NMBR: variants seen among roughly 807,000 people sequenced by gnomAD.
NMBR encodes neuromedin B receptor, also known as neuromedin-B receptor.
NMBR carries 16 observed loss-of-function variants against 20.5 expected under a neutral mutation model. The ratio of observed to expected loss-of-function variants is 0.78; its 90% CI spans 0.53 to 1.19. The LOEUF (loss-of-function observed/expected upper bound fraction) is 1.19. NMBR is among the 50% of genes most tolerant of loss of function. The pLI is 0.00. For synonymous variants in NMBR, 212 were observed against 196.6 expected, an observed-to-expected ratio of 1.08 and a Z score of -0.65; for missense variants, 582 against 499.1, an observed-to-expected ratio of 1.17 and a Z score of -1.58.
intron 1 of NMBR, among the ~76,000 whole-genome samples, chr6:142,094,667 GT>G (rs1302365173): frequency 2.6e-5 from 4 of 152,060 alleles, no homozygotes; most frequent in Non-Finnish European, 2.9e-5. Context: ...CTTTAAAGGA[GT>G]TTTTTTCCAA....
intron 1 of NMBR, among the ~76,000 whole-genome samples, chr6:142,119,772 A>C (rs1777913243): frequency 6.6e-6 from 1 of 151,956 alleles, no homozygotes; most frequent in African/African-American, 2.4e-5. Context: ...TAGACCTTGA[A>C]ACAAAGAGTT....
At chr6:142,128,912 G>C (rs2114604736) in intron 1 of NMBR, among the ~76,000 whole-genome samples, 2 of 151,460 alleles carry the variant, frequency 1.3e-5, no homozygotes, top group East Asian at 1.9e-4. Flanking sequence ...TTTTTCAGAA[G>C]AGCTTAAGAG....
intron 3 of NMBR, 105 bp downstream of exon 3, chr6:142,078,450 A>T (rs2114553324): frequency 1.5e-6 from 1 of 668,246 alleles, no homozygotes; most frequent in East Asian, 2.7e-5. Flanking sequence ...TGAAGGCCCA[A>T]CTCTGTTCTC....
At chr6:142,145,061 AAGG>A (rs1383886176) in intron 1 of NMBR, among the ~76,000 whole-genome samples, 4 of 151,256 alleles carry the variant, frequency 2.6e-5, no homozygotes, top group African/African-American at 7.3e-5. Context: ...AGAAGGAAGG[AAGG>A]AGAAAAGAAA....
intron 1 of NMBR, among the ~76,000 whole-genome samples, chr6:142,140,240 T>C (rs909762909): frequency 1.3e-5 from 2 of 152,078 alleles, no homozygotes; most frequent in Non-Finnish European, 2.9e-5. Context: ...CAGATCACTC[T>C]TGAAAATTAC....
intron 2 of NMBR, among the ~76,000 whole-genome samples, chr6:142,080,379 C>G (rs1582835409): frequency 6.9e-6 from 1 of 145,394 alleles, no homozygotes; most frequent in Admixed American, 7.1e-5. Context: ...TGCCTGATCA[C>G]AGCTCACTGC....
At chr6:142,100,926 T>C (rs919859799) in intron 1 of NMBR, among the ~76,000 whole-genome samples, 2 of 152,182 alleles carry the variant, frequency 1.3e-5, no homozygotes, top group African/African-American at 4.8e-5. Context: ...AAAAAGAGAA[T>C]TGTATTTTCC....
chr6:142,088,505 G>A lies in NMBR; in HGVS notation c.154C>T (p.Leu52Phe). 6.2e-7 allele frequency: 1 copy of A among 1,614,076 alleles called. No individual in the cohort carries two copies. Among genetic ancestry groups the A allele is most frequent in the African/African-American group, 1.3e-5 (1 of 75,026 alleles). Reference sequence around the variant, plus strand: ...CCCAGCAAGCCCACGGTGATGATGAGCAGGTAGAGGGACGGGATCACACAG... The same window carrying A: ...CCCAGCAAGCCCACGGTGATGATGAACAGGTAGAGGGACGGGATCACACAG... ...IRCVIPSLYL[L>F]IITVGLLGNI... Residue 52 changes from leucine (L) to phenylalanine (F), a missense_variant, in exon 2 of 4, where the codon CTC (leucine) becomes TTC (phenylalanine). Physicochemically the swap from Leu to Phe is conservative, Grantham distance 22. Coordinates refer to ENST00000258042, the MANE Select transcript of NMBR (RefSeq NM_002511.4).
At chr6:142,100,627 TG>T (rs1300747631) in intron 1 of NMBR, among the ~76,000 whole-genome samples, 1 of 152,196 alleles carries the variant, frequency 6.6e-6, no homozygotes, top group Admixed American at 6.5e-5. Context: ...ATTGTAGAAA[TG>T]TGTAATTATA....
rs561817143 is a variant in NMBR, at chr6:142,090,526, TTAAGA to T, written c.-663-1210_-663-1206del. On this transcript the variant is annotated intron_variant, in intron 1 of 3. Transcript: ENST00000258042. ...CTACTTAAAATAATTCATTATAAAA[TTAAGA>T]TTAGTTAAATAGAATATTTATGTAT... Among the ~76,000 whole-genome samples, 335 of 150,818 alleles carry T rather than the reference TTAAGA, an allele frequency of 2.2e-3. 3 individuals are homozygous for T. The highest frequency in any genetic ancestry group is 6.1e-3 in the African/African-American group (253 of 41,302).
chr6:142,091,907 A>G (rs1777332288), intron 1 of NMBR, among the ~76,000 whole-genome samples: 1 of 152,172 alleles, frequency 6.6e-6, no homozygotes, highest in Non-Finnish European at 1.5e-5. Context: ...TGACATGAGT[A>G]TTATTGTTGT....
intron 1 of NMBR, among the ~76,000 whole-genome samples, chr6:142,116,068 T>C (rs1007240456): frequency 6.6e-5 from 10 of 151,956 alleles, no homozygotes; most frequent in Non-Finnish European, 1.3e-4. Flanking sequence ...TCTCTTTTTT[T>C]ACCTGCCGCC....
In NMBR at chr6:142,109,271, G is replaced by A. The variant is rs1038290328; in HGVS notation, c.-663-19950C>T. On this transcript the variant is annotated intron_variant, in intron 1 of 3. Coordinates refer to ENST00000258042, the MANE Select transcript of NMBR (RefSeq NM_002511.4). ...TACCCCACCGGGGACTCTGTGTGGG[G>A]GCTCTGACCCCACATTTCCCTTCCA... 5.3e-5 allele frequency among the ~76,000 whole-genome samples: 8 copies of A among 152,228 alleles called. No homozygotes were observed. The East Asian group carries it at 1.5e-3, about 29-fold the overall frequency.
Position 142,083,631 on chromosome 6 carries a change from G to C in NMBR, c.422+4606C>G, listed in dbSNP as rs142549368. ...TTCCCCTTCCTGTTCTCATGGTAGT[G>C]AGTGAGTTCTCATGAGATCTGGTTG... On this transcript the variant is annotated intron_variant, in intron 2 of 3. Transcript: ENST00000258042. Among the ~76,000 whole-genome samples, 20 of 152,096 alleles carry C rather than the reference G, an allele frequency of 1.3e-4. No homozygotes were observed. The East Asian group carries it at 3.3e-3, about 25-fold the overall frequency.
intron 1 of NMBR, among the ~76,000 whole-genome samples, chr6:142,139,070 C>T (rs963441916): frequency 2.0e-5 from 3 of 152,114 alleles, no homozygotes; most frequent in Admixed American, 2.0e-4. Flanking sequence ...TACCCTCCTG[C>T]TGGTTGACTG....
intron 2 of NMBR, 101 bp from the exon 3 acceptor site, chr6:142,079,004 GAA>G: frequency 1.5e-6 from 1 of 653,002 alleles, no homozygotes; most frequent in East Asian, 2.9e-5. Context: ...GAGAGAGAGA[GAA>G]AGGAAGAAAG....
chr6:142,090,208 C>T (rs974148622), intron 1 of NMBR, among the ~76,000 whole-genome samples: 23 of 152,034 alleles, frequency 1.5e-4, no homozygotes, highest in African/African-American at 5.6e-4. Context: ...AAATAACACT[C>T]TTCATTAGGG....
At chr6:142,100,128 G>A (rs1407253910) in intron 1 of NMBR, among the ~76,000 whole-genome samples, 1 of 152,142 alleles carries the variant, frequency 6.6e-6, no homozygotes, top group East Asian at 1.9e-4. Flanking sequence ...TGGTGAAAAC[G>A]CAAAATTTGG....
At position 142,088,540 on chromosome 6, in the gene NMBR, A is replaced by G; in HGVS notation, c.119T>C (p.Leu40Ser). The change falls in exon 2 of 4, where the codon TTG (leucine) becomes TCG (serine). Residue 40 changes from leucine (L) to serine (S), a missense_variant. Coordinates refer to ENST00000258042, the MANE Select transcript of NMBR (RefSeq NM_002511.4). ...LPASDGTTTE[L>S]VIRCVIPSLY... ...GGACGGGATCACACAGCGGATCACC[A>G]ACTCCGTGGTGGTCCCGTCCGAGGC... The G allele has an allele frequency of 6.2e-7, 1 of 1,613,888 alleles. No individual in the cohort carries two copies. The highest frequency in any genetic ancestry group is 2.2e-5 in the East Asian group (1 of 44,840).
Sources: gnomAD v4.1 joint callset for allele counts (sites outside exome capture counted in the v4.1 genomes callset) on GRCh38, gnomAD v4.1.1 for gene constraint, MANE v1.5 for transcripts, NCBI Gene and HGNC (gene_info 2026-07-23, HGNC 2026-07-21) for gene names.